SETBP1: variants seen among roughly 807,000 people sequenced by gnomAD.
The protein encoded by SETBP1 is SET binding protein 1.
SETBP1 carries 9 observed loss-of-function variants against 101.0 expected under a neutral mutation model. The ratio of observed to expected loss-of-function variants is 0.09; its 90% CI spans 0.05 to 0.16. SETBP1 has a LOEUF of 0.16. Ranked by LOEUF, SETBP1 falls within the 10% of genes least tolerant of loss-of-function variation. The pLI, the probability that SETBP1 is intolerant of heterozygous loss-of-function variation, is 1.00. For missense variants in SETBP1, 1,858 were observed against 2,033.8 expected (o/e 0.91, Z 1.66); for synonymous variants, 818 against 788.5 (o/e 1.04, Z -0.63).
intron 3 of SETBP1, among the ~76,000 whole-genome samples, chr18:44,933,732 T>C (rs1327155528): frequency 2.0e-5 from 3 of 152,140 alleles, no homozygotes; most frequent in Non-Finnish European, 2.9e-5. Flanking sequence ...GCTCCGTGGG[T>C]GTGGTACCCT....
chr18:44,990,927 GAA>G (rs996043221), intron 4 of SETBP1, among the ~76,000 whole-genome samples: 7 of 63,184 alleles, frequency 1.1e-4, no homozygotes, highest in East Asian at 4.5e-4. Flanking sequence ...CAGAGAGAGA[GAA>G]AAAAAAAAAA....
chr18:45,016,532 T>G (rs1026613267), intron 4 of SETBP1, among the ~76,000 whole-genome samples: 2 of 152,158 alleles, frequency 1.3e-5, no homozygotes, highest in Non-Finnish European at 2.9e-5. Flanking sequence ...CCTGATGTTG[T>G]TTACTTCTTC....
intron 2 of SETBP1, among the ~76,000 whole-genome samples, chr18:44,756,506 G>C (rs1463990191): frequency 6.6e-6 from 1 of 152,190 alleles, no homozygotes; most frequent in African/African-American, 2.4e-5. Flanking sequence ...GCAAAGGGCA[G>C]ATTGCTGCCC....
intron 1 of SETBP1, among the ~76,000 whole-genome samples, chr18:44,692,847 G>A (rs570583980): frequency 2.0e-5 from 3 of 152,172 alleles, no homozygotes; most frequent in Non-Finnish European, 4.4e-5. Flanking sequence ...ATACAGTAAT[G>A]CCCATCAGTG....
At chr18:44,854,278 A>T (rs1285305927) in intron 2 of SETBP1, among the ~76,000 whole-genome samples, 1 of 152,156 alleles carries the variant, frequency 6.6e-6, no homozygotes, top group African/African-American at 2.4e-5. Context: ...ACTCGCAGAC[A>T]TGTAGACCCA....
intron 2 of SETBP1, among the ~76,000 whole-genome samples, chr18:44,848,500 C>T (rs796892115): frequency 5.9e-5 from 9 of 152,288 alleles, no homozygotes; most frequent in African/African-American, 2.2e-4. Flanking sequence ...CATGTATACA[C>T]ATATCGTGGG....
intron 3 of SETBP1, among the ~76,000 whole-genome samples, chr18:44,931,531 C>A (rs1381007075): frequency 1.3e-5 from 2 of 152,160 alleles, no homozygotes; most frequent in African/African-American, 4.8e-5. Flanking sequence ...CTAATGTTGA[C>A]AGTGGGGTGT....
chr18:44,697,923 G>A (rs1474893462), intron 1 of SETBP1, among the ~76,000 whole-genome samples: 1 of 152,166 alleles, frequency 6.6e-6, no homozygotes, highest in East Asian at 1.9e-4. Context: ...TTGCATGGCC[G>A]GCATTGCAAG....
intron 5 of SETBP1, among the ~76,000 whole-genome samples, chr18:45,050,064 G>C (rs886774785): frequency 3.3e-5 from 5 of 152,214 alleles, no homozygotes; most frequent in African/African-American, 9.6e-5. Flanking sequence ...TTTCATCTCT[G>C]TACTGTAGAG....
At chr18:44,930,298 G>C (rs1250513600) in intron 3 of SETBP1, among the ~76,000 whole-genome samples, 1 of 152,182 alleles carries the variant, frequency 6.6e-6, no homozygotes, top group Non-Finnish European at 1.5e-5. Flanking sequence ...ACTTGATCGT[G>C]GTGGATAAGC....
intron 4 of SETBP1, among the ~76,000 whole-genome samples, chr18:44,971,399 G>C (rs1693089227): frequency 6.6e-6 from 1 of 152,184 alleles, no homozygotes; most frequent in Non-Finnish European, 1.5e-5. Flanking sequence ...CCAGAAATGG[G>C]ATGGCTGGGT....
chr18:45,038,622 C>G lies in SETBP1; in HGVS notation c.4138C>G (p.Leu1380Val), dbSNP rs1599481605. ...AATTCCACCAGCCCCAGTGTTATCT[C>G]TCCTTGCTGCATCTGCAGCAACGTC... ...VTIPPAPVLS[L>V]LAASAATSDA... The change falls in exon 5 of 6, where the codon CTC becomes GTC. Residue 1380 changes from leucine (L) to valine (V), a missense_variant. Leu to Val is a conservative substitution (Grantham distance 32). Around this residue, in one of 12 missense-constraint regions of SETBP1, gnomAD observed 417 missense variants for 389.1 expected, o/e 1.07. Transcript: ENST00000649279. 6.2e-7 allele frequency: 1 copy of G among 1,614,090 alleles called. No homozygotes were observed.
chr18:44,867,110 C>G (rs568657108), intron 2 of SETBP1, among the ~76,000 whole-genome samples: 1 of 152,184 alleles, frequency 6.6e-6, no homozygotes, highest in Non-Finnish European at 1.5e-5. Context: ...ACTTAGCTTT[C>G]GTAAGTCTCA....
chr18:44,755,555 A>T (rs1040729137), intron 2 of SETBP1, among the ~76,000 whole-genome samples: 6 of 151,276 alleles, frequency 4.0e-5, no homozygotes, highest in Non-Finnish European at 8.8e-5. Context: ...TGGAACTTAC[A>T]GCAGCCTCCT....
chr18:44,875,359 A>C (rs1311278743), intron 3 of SETBP1, among the ~76,000 whole-genome samples: 1 of 151,966 alleles, frequency 6.6e-6, no homozygotes, highest in Non-Finnish European at 1.5e-5. Context: ...CTCTACTAAA[A>C]ATACAAAAAC....
At chr18:44,935,206 G>A (rs2070932500) in intron 3 of SETBP1, among the ~76,000 whole-genome samples, 1 of 152,128 alleles carries the variant, frequency 6.6e-6, no homozygotes, top group African/African-American at 2.4e-5. Flanking sequence ...CAGTGTTCAT[G>A]GGAAGCTTAA....
intron 2 of SETBP1, among the ~76,000 whole-genome samples, chr18:44,800,249 TAAAA>T (rs1234478902): frequency 6.6e-6 from 1 of 152,178 alleles, no homozygotes; most frequent in African/African-American, 2.4e-5. Context: ...ACATAAATTT[TAAAA>T]ATGCCTGCTT....
intron 2 of SETBP1, among the ~76,000 whole-genome samples, chr18:44,715,748 A>G (rs1358478157): frequency 6.6e-6 from 1 of 152,194 alleles, no homozygotes; most frequent in Admixed American, 6.5e-5. Flanking sequence ...ATCGTTGCTA[A>G]TTAAACTTTT....
At chr18:44,986,918 A>AGTATC (rs1251137283) in intron 4 of SETBP1, 1 of 93,188 alleles carries the variant, frequency 1.1e-5, no homozygotes, top group Non-Finnish European at 2.3e-5. Flanking sequence ...AGTATAGTAT[A>AGTATC]GTATAGTATA....
Sources: allele counts gnomAD v4.1 joint callset (sites outside exome capture counted in the v4.1 genomes callset), GRCh38; gene constraint gnomAD v4.1.1; regional missense constraint gnomAD v4.1.1; transcripts MANE v1.5; gene names NCBI Gene and HGNC (gene_info 2026-07-23, HGNC 2026-07-21).